Variants in GPT2 observed in about 807,000 individuals in gnomAD.
GPT2 encodes alanine aminotransferase 2.
Under a neutral mutation model 56.9 loss-of-function variants are expected in GPT2, and 30 were observed. That is an observed-to-expected ratio of 0.53 (90% CI 0.39 to 0.72). GPT2 has a LOEUF of 0.72. GPT2 is among the 30% of genes least tolerant of loss of function. The probability of loss-of-function intolerance (pLI) is 0.00; values close to 1 mark genes in which losing one functional copy is unlikely to be tolerated. For missense variants in GPT2, 542 were observed against 703.4 expected, an observed-to-expected ratio of 0.77 and a Z score of 2.60; for synonymous variants, 271 against 283.1, an observed-to-expected ratio of 0.96 and a Z score of 0.43.
chr16:46,907,939 G>T (rs551331426), intron 5 of GPT2, among the ~76,000 whole-genome samples: 4 of 152,214 alleles, frequency 2.6e-5, no homozygotes, highest in Admixed American at 2.6e-4. Flanking sequence ...GGAGTCTACA[G>T]TCCTGGGCTT....
At chr16:46,900,875 T>C in intron 4 of GPT2, 85 bp downstream of exon 4, 3 of 1,045,796 alleles carry the variant, frequency 2.9e-6, no homozygotes, top group African/African-American at 1.6e-5. Context: ...GGGTCCTGCA[T>C]GCGAATGGGT....
At chr16:46,893,191 C>T (rs950143366) in intron 2 of GPT2, among the ~76,000 whole-genome samples, 1 of 152,118 alleles carries the variant, frequency 6.6e-6, no homozygotes, top group Non-Finnish European at 1.5e-5. Context: ...AGTGCAGTGG[C>T]GCAATCTCGG....
At chr16:46,896,249 G>A in intron 2 of GPT2, among the ~76,000 whole-genome samples, 1 of 152,186 alleles carries the variant, frequency 6.6e-6, no homozygotes, top group East Asian at 1.9e-4. Flanking sequence ...AAATGTGCAG[G>A]ATTCCCACGT....
intron 3 of GPT2, among the ~76,000 whole-genome samples, chr16:46,900,260 G>C (rs1325403131): frequency 6.6e-6 from 1 of 151,994 alleles, no homozygotes; most frequent in East Asian, 1.9e-4. Context: ...CAGGGGGAGG[G>C]GGCCTAGGGC....
chr16:46,905,767 C>G (rs1457165855), intron 4 of GPT2, among the ~76,000 whole-genome samples: 1 of 152,190 alleles, frequency 6.6e-6, no homozygotes, highest in African/African-American at 2.4e-5. Context: ...CACATGCACA[C>G]ATCGATGTCT....
At chr16:46,918,981 G>A (rs1470478252) in intron 8 of GPT2, among the ~76,000 whole-genome samples, 1 of 152,248 alleles carries the variant, frequency 6.6e-6, no homozygotes, top group Non-Finnish European at 1.5e-5. Flanking sequence ...ACGGACAAAT[G>A]GAGTGGAAAC....
rs926678308 is a variant in GPT2, at chr16:46,930,368, C to T, written c.*1371C>T. 6.6e-6 allele frequency: 1 copy of T among 152,270 alleles called. No individual in the cohort carries two copies. Among genetic ancestry groups the T allele is most frequent in the Non-Finnish European group, 1.5e-5 (1 of 68,084 alleles). 9.4% of individuals were successfully genotyped at this position (152,270 alleles called of 1,614,324 possible). ...AGGGAAGCTCAGGAGCCTGGGACCC[C>T]GCATGTCCCAAAATGGGATTGGAGA... On this transcript the variant is annotated 3_prime_UTR_variant, in exon 12 of 12. Transcript: ENST00000340124.
At chr16:46,891,361 G>C (rs1015870638) in intron 2 of GPT2, among the ~76,000 whole-genome samples, 3 of 151,866 alleles carry the variant, frequency 2.0e-5, no homozygotes, top group African/African-American at 4.8e-5. Context: ...TCTTGCCTCA[G>C]CTTCCTGAGT....
intron 4 of GPT2, among the ~76,000 whole-genome samples, chr16:46,902,939 T>C (rs1490252469): frequency 6.6e-6 from 1 of 152,064 alleles, no homozygotes. Context: ...GGATGTGTTT[T>C]TATCATACCC....
At chr16:46,887,516 T>C (rs975389854) in intron 2 of GPT2, among the ~76,000 whole-genome samples, 6 of 152,106 alleles carry the variant, frequency 3.9e-5, no homozygotes, top group South Asian at 2.1e-4. Context: ...CTAGGATTTG[T>C]AGGGAGTAGG....
intron 2 of GPT2, among the ~76,000 whole-genome samples, chr16:46,888,643 G>A (rs1277614586): frequency 1.3e-5 from 2 of 151,448 alleles, no homozygotes; most frequent in African/African-American, 2.4e-5. Flanking sequence ...CACCGCACCC[G>A]GCCAGATGCT....
At chr16:46,884,619 C>T (rs1039504084) in intron 1 of GPT2, 75 bp from the exon 2 acceptor site, 35 of 1,288,624 alleles carry the variant, frequency 2.7e-5, no homozygotes, top group Middle Eastern at 4.4e-4. Flanking sequence ...GAGCCCTTGG[C>T]TGGGCTTGTG....
At chr16:46,905,907 GT>G (rs1960915431) in intron 4 of GPT2, among the ~76,000 whole-genome samples, 1 of 152,042 alleles carries the variant, frequency 6.6e-6, no homozygotes, top group African/African-American at 2.4e-5. Context: ...AGTTTTACCT[GT>G]TTTTGAACTT....
Position 46,884,411 on chromosome 16 carries a change from A to C in GPT2, c.-79A>C. ...GCGGCTGTGGGCGCCGGGGCCGGGT[A>C]GCTGCTCCAGGCGCGCGAGCTAACC... On this transcript the variant is annotated 5_prime_UTR_variant, in exon 1 of 12. Transcript: ENST00000340124. 7.1e-5 allele frequency: 15 copies of C among 211,216 alleles called. No homozygotes were observed. Among genetic ancestry groups the C allele is most frequent in the Non-Finnish European group, 1.1e-4 (12 of 106,912 alleles). The allele number at this position is 211,216 out of a possible 1,614,324, so 13.1% of individuals were successfully genotyped here. A position where few individuals can be genotyped will look rare whatever the true frequency, so the allele number is the denominator to read the frequency against.
chr16:46,895,442 T>G (rs1472731853), intron 2 of GPT2, among the ~76,000 whole-genome samples: 2 of 152,016 alleles, frequency 1.3e-5, no homozygotes, highest in African/African-American at 4.8e-5. Flanking sequence ...TGAGAAATGC[T>G]TGAACCCGGG....
rs201365986 is a variant in GPT2, at chr16:46,916,724, T to C, written c.900+17T>C. 3.2e-6 allele frequency: 5 copies of C among 1,567,328 alleles called. No homozygotes were observed. In the East Asian group the frequency reaches 1.1e-4, roughly 35 times the overall value. ...GCTGATGAGGTAAGAATGTCCCCAC[T>C]CAGAGGGAGTGGGCACTAGCTTTCT... On this transcript the variant is annotated intron_variant, in intron 7 of 11. Coordinates refer to ENST00000340124, the MANE Select transcript of GPT2 (RefSeq NM_133443.4).
chr16:46,915,527 A>G (rs545396276), intron 6 of GPT2: 6 of 147,384 alleles, frequency 4.1e-5, no homozygotes, highest in Non-Finnish European at 7.5e-5. Context: ...CACACACCAC[A>G]CAGACACAAA....
rs1183875847 is a variant in GPT2 at position 46,924,542 on chromosome 16, C to G, written c.1366C>G (p.Gln456Glu). The change falls in exon 10 of 12, where the codon CAG becomes GAG. Residue 456 changes from glutamine to glutamate, a missense_variant and splice_region_variant. Coordinates refer to ENST00000340124, the MANE Select transcript of GPT2 (RefSeq NM_133443.4). ...FIPAKAVEAA[Q>E]AHQMAPDMFY... ...TCCTGCCAAAGCTGTGGAGGCTGCT[C>G]AGGTCTGGGGCATGGGCTGGGCTGG... The G allele has an allele frequency of 6.2e-7, 1 of 1,614,094 alleles. No individual in the cohort carries two copies. Among genetic ancestry groups the G allele is most frequent in the Non-Finnish European group, 8.5e-7 (1 of 1,179,962 alleles).
intron 5 of GPT2, among the ~76,000 whole-genome samples, chr16:46,909,379 G>A (rs893763207): frequency 1.3e-5 from 2 of 152,090 alleles, no homozygotes; most frequent in Non-Finnish European, 2.9e-5. Context: ...TCGAACTCTT[G>A]GCCTCAAGCG....
Sources: allele counts gnomAD v4.1 joint callset (sites outside exome capture counted in the v4.1 genomes callset), GRCh38; gene constraint gnomAD v4.1.1; transcripts MANE v1.5; gene names NCBI Gene and HGNC (gene_info 2026-07-23, HGNC 2026-07-21).